KCTD9: variants seen among roughly 807,000 people sequenced by gnomAD.
The protein encoded by KCTD9 is potassium channel tetramerization domain containing 9.
In KCTD9, 17 loss-of-function variants were observed where a neutral mutation model predicts 53.3. The observed-to-expected ratio is 0.32, with a 90% confidence interval of 0.22 to 0.48. KCTD9 has a LOEUF of 0.48. Ranked by LOEUF, KCTD9 falls within the 20% of genes least tolerant of loss-of-function variation. The probability of loss-of-function intolerance (pLI) is 0.99; values close to 1 mark genes in which losing one functional copy is unlikely to be tolerated. For synonymous variants in KCTD9, 128 were observed against 162.7 expected, an observed-to-expected ratio of 0.79 and a Z score of 1.62; for missense variants, 179 against 465.5, an observed-to-expected ratio of 0.38 and a Z score of 5.66.
intron 1 of KCTD9, 26 bp from the exon 2 acceptor site, chr8:25,446,276 A>T (rs1802212246): frequency 6.2e-7 from 1 of 1,610,852 alleles, no homozygotes; most frequent in South Asian, 1.1e-5. Context: ...AATAATATGA[A>T]CAATTTCTTT....
intron 3 of KCTD9, among the ~76,000 whole-genome samples, chr8:25,441,973 C>G (rs1586430098): frequency 1.3e-5 from 2 of 152,024 alleles, no homozygotes; most frequent in East Asian, 1.9e-4. Context: ...CACTGCACTA[C>G]AGCCTGAGTG....
chr8:25,434,034 C>T (rs1025628792), intron 9 of KCTD9, among the ~76,000 whole-genome samples: 1 of 152,194 alleles, frequency 6.6e-6, no homozygotes, highest in South Asian at 2.1e-4. Flanking sequence ...TGAGCAGGCA[C>T]ATCACAATGC....
intron 3 of KCTD9, 49 bp downstream of exon 3, chr8:25,444,243 C>CTTT (rs57257880): frequency 0.18 from 169,519 of 940,678 alleles, 8,021 homozygotes; most frequent in African/African-American, 0.23. Flanking sequence ...GTCATTCCAT[C>CTTT]TTTTTTTTTT....
At chr8:25,450,864 G>C (rs764287686) in intron 1 of KCTD9, among the ~76,000 whole-genome samples, 5 of 152,124 alleles carry the variant, frequency 3.3e-5, no homozygotes, top group Non-Finnish European at 4.4e-5. Flanking sequence ...AATAAGGGGG[G>C]AAGTTTTAAT....
chr8:25,435,603 G>C, intron 8 of KCTD9, 91 bp from the exon 9 acceptor site: 1 of 1,102,274 alleles, frequency 9.1e-7, no homozygotes, highest in Non-Finnish European at 1.3e-6. Flanking sequence ...GTTTTTTTTA[G>C]AAGCAATTGG....
intron 1 of KCTD9, among the ~76,000 whole-genome samples, chr8:25,456,516 T>C (rs539868512): frequency 1.3e-5 from 2 of 152,348 alleles, no homozygotes; most frequent in East Asian, 3.9e-4. Flanking sequence ...GTGAAGATCA[T>C]GGCTTTGCTT....
intron 11 of KCTD9, 51 bp from the exon 12 acceptor site, chr8:25,430,024 T>G: frequency 1.4e-4 from 129 of 947,578 alleles, no homozygotes; most frequent in Non-Finnish European, 2.1e-4. Flanking sequence ...TTTCAGGCCT[T>G]ATCTATTTCT....
chr8:25,437,714 G>C (rs1368434987), intron 6 of KCTD9, among the ~76,000 whole-genome samples: 3 of 151,606 alleles, frequency 2.0e-5, no homozygotes, highest in Non-Finnish European at 4.4e-5. Flanking sequence ...TGGGCATCAT[G>C]GTGTGTGCCT....
rs1473429961 is a variant in KCTD9, at chr8:25,452,494, AACC to A, written c.48+5702_48+5704del. Among the ~76,000 whole-genome samples, 14 of 152,182 alleles carry A rather than the reference AACC, an allele frequency of 9.2e-5. No homozygotes were observed. In the South Asian group the frequency reaches 1.9e-3, roughly 20 times the overall value. On this transcript the variant is annotated intron_variant, in intron 1 of 11. Transcript: ENST00000221200. ...GTGATCCTGTCACCTGCAGCATCTG[AACC>A]ACATTTCACCTGCAAATTAAAAATG...
intron 10 of KCTD9, among the ~76,000 whole-genome samples, chr8:25,432,970 A>G (rs925274841): frequency 6.6e-6 from 1 of 152,364 alleles, no homozygotes; most frequent in Non-Finnish European, 1.5e-5. Context: ...GAAACAATAC[A>G]TTAAATCTAA....
intron 1 of KCTD9, chr8:25,457,449 G>C: frequency 1.2e-6 from 1 of 841,022 alleles, no homozygotes; most frequent in Non-Finnish European, 1.4e-6. Context: ...GTTTTGGCTT[G>C]CTCCAGCGCT....
At chr8:25,447,747 A>C (rs889149962) in intron 1 of KCTD9, among the ~76,000 whole-genome samples, 1 of 152,236 alleles carries the variant, frequency 6.6e-6, no homozygotes, top group Non-Finnish European at 1.5e-5. Flanking sequence ...CATTATAAAA[A>C]ATAATGTACA....
At position 25,435,760 on chromosome 8, in the gene KCTD9, A is replaced by G. The variant is rs1204222075; in HGVS notation, c.664-248T>C. 3.3e-5 allele frequency among the ~76,000 whole-genome samples: 5 copies of G among 152,202 alleles called. No individual in the cohort carries two copies. The East Asian group carries it at 9.6e-4, about 29-fold the overall frequency. On this transcript the variant is annotated intron_variant, in intron 8 of 11. Transcript: ENST00000221200. ...GCCCGGCTATAATTCATTTCTGTGT[A>G]GAAGCTTCTAAAGAGGGATCCCTGT... is the stretch of plus-strand genomic sequence containing the variant.
At chr8:25,440,350 G>A (rs1786441803) in intron 4 of KCTD9, among the ~76,000 whole-genome samples, 1 of 152,192 alleles carries the variant, frequency 6.6e-6, no homozygotes, top group Admixed American at 6.5e-5. Flanking sequence ...GAGCCACCGC[G>A]CCCAGCCAAA....
chr8:25,433,747 A>G (rs926748606), intron 9 of KCTD9, among the ~76,000 whole-genome samples: 2 of 152,214 alleles, frequency 1.3e-5, no homozygotes. Context: ...TGACACCTCT[A>G]TCTCTATTTT....
intron 6 of KCTD9, among the ~76,000 whole-genome samples, chr8:25,437,910 C>T (rs1802049945): frequency 6.9e-6 from 1 of 144,212 alleles, no homozygotes. Flanking sequence ...CTCTGCCACT[C>T]ACTACTTTTT....
intron 8 of KCTD9, among the ~76,000 whole-genome samples, chr8:25,435,714 CA>C (rs768121497): frequency 6.6e-6 from 1 of 152,050 alleles, no homozygotes; most frequent in Non-Finnish European, 1.5e-5. Flanking sequence ...GAAACTCTAT[CA>C]ATATATACAT....
intron 2 of KCTD9, 123 bp from the exon 3 acceptor site, chr8:25,444,458 G>A (rs1802179745): frequency 1.2e-6 from 1 of 817,232 alleles, no homozygotes; most frequent in Non-Finnish European, 1.9e-6. Flanking sequence ...AATCTAGACT[G>A]CAAAGAAGCT....
chr8:25,433,157 G>C (rs980217153), intron 10 of KCTD9, among the ~76,000 whole-genome samples, 173 bp downstream of exon 10: 2 of 152,124 alleles, frequency 1.3e-5, no homozygotes, highest in African/African-American at 4.8e-5. Context: ...ATTAGCATTT[G>C]ACTGAAACCA....
Sources: gnomAD v4.1 joint callset for allele counts (sites outside exome capture counted in the v4.1 genomes callset) on GRCh38, gnomAD v4.1.1 for gene constraint, MANE v1.5 for transcripts, NCBI Gene and HGNC (gene_info 2026-07-23, HGNC 2026-07-21) for gene names.